TRAF3: variants seen among roughly 807,000 people sequenced by gnomAD.
TRAF3 encodes TNF receptor associated factor 3.
Under a neutral mutation model 62.3 loss-of-function variants are expected in TRAF3, and 13 were observed. The ratio of observed to expected loss-of-function variants is 0.21; its 90% CI spans 0.14 to 0.33. The LOEUF (loss-of-function observed/expected upper bound fraction) is 0.33, where lower values mean the gene tolerates loss of function less well. Among genes scored for constraint, TRAF3 ranks in the 10% least tolerant of loss-of-function variants. TRAF3 has a pLI of 1.00. For missense variants in TRAF3, 440 were observed against 741.8 expected (o/e 0.59, Z 4.73); for synonymous variants, 269 against 283.4 (o/e 0.95, Z 0.51).
At chr14:102,818,021 C>T (rs1472203937) in intron 1 of TRAF3, among the ~76,000 whole-genome samples, 1 of 152,116 alleles carries the variant, frequency 6.6e-6, no homozygotes, top group Non-Finnish European at 1.5e-5. Flanking sequence ...TGCGGGGTGT[C>T]TGGAGGCAGT....
chr14:102,829,736 A>G (rs773980184), intron 1 of TRAF3, among the ~76,000 whole-genome samples: 9 of 152,164 alleles, frequency 5.9e-5, no homozygotes, highest in Non-Finnish European at 1.2e-4. Flanking sequence ...GGGAGGCCCA[A>G]GTTAGAAAGA....
chr14:102,886,444 C>T (rs972733380), intron 7 of TRAF3, among the ~76,000 whole-genome samples, 175 bp downstream of exon 7: 1 of 152,088 alleles, frequency 6.6e-6, no homozygotes, highest in African/African-American at 2.4e-5. Context: ...AAGTCAGAAG[C>T]AAGCATTAGG....
chr14:102,879,011 G>C (rs1477182543), intron 6 of TRAF3, among the ~76,000 whole-genome samples: 1 of 152,092 alleles, frequency 6.6e-6, no homozygotes, highest in Non-Finnish European at 1.5e-5. Context: ...CCGAGGGGGT[G>C]CCCAGTGAGT....
Position 102,826,888 on chromosome 14 carries a change from A to G in TRAF3, c.-156-3446A>G, listed in dbSNP as rs538670473. On this transcript the variant is annotated intron_variant, in intron 1 of 11. Coordinates refer to ENST00000392745, the MANE Select transcript of TRAF3 (RefSeq NM_145725.3). This position sits in a 1 kb window ranked among gnomAD's most constrained non-coding sequence, Gnocchi z 4.6. Reference sequence around the variant, plus strand: ...AACACAGAGCTGCCCTGCTGTGTCCATGCCCTGGTGCCTCCCCGTGGTCAC... The same window carrying G: ...AACACAGAGCTGCCCTGCTGTGTCCGTGCCCTGGTGCCTCCCCGTGGTCAC... Among the ~76,000 whole-genome samples the G allele has an allele frequency of 1.8e-4, 27 of 152,292 alleles. No homozygotes were observed. Among genetic ancestry groups the G allele is most frequent in the African/African-American group, 6.3e-4 (26 of 41,570 alleles).
chr14:102,845,288 T>C (rs1210553329), intron 2 of TRAF3, among the ~76,000 whole-genome samples: 2 of 151,896 alleles, frequency 1.3e-5, no homozygotes, highest in Non-Finnish European at 1.5e-5. Flanking sequence ...CTGCAAGCTC[T>C]GCCTCCCGGG....
At chr14:102,821,400 G>C (rs747214168) in intron 1 of TRAF3, among the ~76,000 whole-genome samples, 3 of 152,202 alleles carry the variant, frequency 2.0e-5, no homozygotes, top group Admixed American at 2.0e-4. Context: ...ATTAGGATTT[G>C]TATTGCAAAA....
At chr14:102,819,489 C>T (rs146888871) in intron 1 of TRAF3, among the ~76,000 whole-genome samples, 31 of 152,298 alleles carry the variant, frequency 2.0e-4, no homozygotes, top group African/African-American at 7.0e-4. Flanking sequence ...GCACATCGCT[C>T]AGCATGTTTG....
At chr14:102,797,533 T>G (rs1898159096) in intron 1 of TRAF3, among the ~76,000 whole-genome samples, 1 of 152,136 alleles carries the variant, frequency 6.6e-6, no homozygotes, top group Non-Finnish European at 1.5e-5. Context: ...AAGGACAAGA[T>G]TGCAGGAGGA....
chr14:102,845,404 T>G (rs1462326513), intron 2 of TRAF3, among the ~76,000 whole-genome samples: 1 of 151,836 alleles, frequency 6.6e-6, no homozygotes, highest in East Asian at 1.9e-4. Flanking sequence ...GGTTTCACCA[T>G]GTTGGTCAGG....
At position 102,909,559 on chromosome 14, in the gene TRAF3, C is replaced by T. The variant is rs1415289681; in HGVS notation, c.*3775C>T. The T allele has an allele frequency of 2.6e-5, 4 of 152,524 alleles. No individual in the cohort carries two copies. Among genetic ancestry groups the T allele is most frequent in the African/African-American group, 9.6e-5 (4 of 41,480 alleles). 9.4% of individuals were successfully genotyped at this position (152,524 alleles called of 1,614,324 possible). On this transcript the variant is annotated 3_prime_UTR_variant, in exon 12 of 12. Transcript: ENST00000392745. ...TTCTTGGCCTGTGGCGCTGGGGAGCCATGGTGTGGCATACTGGGGCTCCTG... is the reference window on the plus strand; with the variant it reads ...TTCTTGGCCTGTGGCGCTGGGGAGCTATGGTGTGGCATACTGGGGCTCCTG...
chr14:102,859,305 A>G (rs946049894), intron 2 of TRAF3, among the ~76,000 whole-genome samples: 1 of 152,174 alleles, frequency 6.6e-6, no homozygotes, highest in African/African-American at 2.4e-5. Context: ...TCTCAAGTAG[A>G]TGTTACACTG....
chr14:102,805,586 T>A (rs1234964290), intron 1 of TRAF3, among the ~76,000 whole-genome samples: 2 of 152,182 alleles, frequency 1.3e-5, no homozygotes, highest in Non-Finnish European at 2.9e-5. Flanking sequence ...TCCTCCCTGC[T>A]GGTGAGCAGT....
At chr14:102,870,866 C>T (rs1452110340) in intron 3 of TRAF3, among the ~76,000 whole-genome samples, 1 of 152,184 alleles carries the variant, frequency 6.6e-6, no homozygotes, top group East Asian at 1.9e-4. Flanking sequence ...AGGTCCCTAC[C>T]CGAGCAGAAA....
In TRAF3 at chr14:102,797,508, G is replaced by A. The variant is rs982146423; in HGVS notation, c.-157+19833G>A. On this transcript the variant is annotated intron_variant, in intron 1 of 11. Transcript: ENST00000392745. ...AGGAGATAGTGGCGTCCCTCCTGCA[G>A]AAACCCCGCAGTGGAAGGACAAGAT... is the stretch of plus-strand genomic sequence containing the variant. Among the ~76,000 whole-genome samples the A allele has an allele frequency of 2.0e-5, 3 of 152,290 alleles. No homozygotes were observed. In the South Asian group the frequency reaches 6.2e-4, roughly 32 times the overall value.
At chr14:102,884,500 A>G (rs1889249314) in intron 6 of TRAF3, among the ~76,000 whole-genome samples, 1 of 152,192 alleles carries the variant, frequency 6.6e-6, no homozygotes, top group Admixed American at 6.5e-5. Context: ...AGAGAAATAG[A>G]AATGATTAAT....
At chr14:102,871,818 T>C in intron 3 of TRAF3, 99 bp from the exon 4 acceptor site, 1 of 1,096,442 alleles carries the variant, frequency 9.1e-7, no homozygotes, top group East Asian at 2.4e-5. Flanking sequence ...TGTGAGCCAC[T>C]GTGCAGACCT....
rs1015856656 is a variant in TRAF3 at position 102,910,178 on chromosome 14, G to A, written c.*4394G>A. ...CTTGCGGGCCCCTTGCTCAATCCCC[G>A]GCCCTCCCAGACTCCTCCCTCTACT... is the stretch of plus-strand genomic sequence containing the variant. On this transcript the variant is annotated 3_prime_UTR_variant, in exon 12 of 12. Coordinates refer to ENST00000392745, the MANE Select transcript of TRAF3 (RefSeq NM_145725.3). 6.6e-6 allele frequency: 1 copy of A among 152,170 alleles called. No homozygotes were observed. The highest frequency in any genetic ancestry group is 2.4e-5 in the African/African-American group (1 of 41,438). The allele number at this position is 152,170 out of a possible 1,614,324, so 9.4% of individuals were successfully genotyped here. A position where few individuals can be genotyped will look rare whatever the true frequency, so the allele number is the denominator to read the frequency against.
At chr14:102,820,602 ATATATATATATATTTTTTTTTTTTTTT>A (rs1899888218) in intron 1 of TRAF3, among the ~76,000 whole-genome samples, 1 of 13,054 alleles carries the variant, frequency 7.7e-5, no homozygotes, top group Non-Finnish European at 1.0e-4. Context: ...ATATATATAT[ATATATATATATATTTTTTTTTTTTTTT>A]TTTTTTTTTT....
Position 102,818,718 on chromosome 14 carries a change from C to T in TRAF3, c.-156-11616C>T, listed in dbSNP as rs540111218. On this transcript the variant is annotated intron_variant, in intron 1 of 11. Transcript: ENST00000392745. ...CATATAAATAAGACCATGTGGTATC[C>T]GTCACATATTTCACTTAGCATAATG... 4.6e-5 allele frequency among the ~76,000 whole-genome samples: 7 copies of T among 152,248 alleles called. No individual in the cohort carries two copies. The East Asian group carries it at 5.8e-4, about 13-fold the overall frequency.
Sources: allele counts gnomAD v4.1 joint callset (sites outside exome capture counted in the v4.1 genomes callset), GRCh38; gene constraint gnomAD v4.1.1; non-coding constraint Gnocchi (gnomAD v3.1); transcripts MANE v1.5; gene names NCBI Gene and HGNC (gene_info 2026-07-23, HGNC 2026-07-21).